RARB: variants seen among roughly 807,000 people sequenced by gnomAD.
RARB encodes retinoic acid receptor beta, also known as HBV-activated protein.
A neutral mutation model predicts 51.9 loss-of-function variants in RARB; 17 were observed. The observed-to-expected ratio is 0.33, with a 90% CI of 0.22 to 0.49. The LOEUF (loss-of-function observed/expected upper bound fraction) is 0.49, where lower values mean the gene tolerates loss of function less well. Ranked by LOEUF, RARB falls within the 20% of genes least tolerant of loss-of-function variation. RARB has a pLI of 0.99. For synonymous variants in RARB, 215 were observed against 195.4 expected, an observed-to-expected ratio of 1.10 and a Z score of -0.84; for missense variants, 369 against 550.8, an observed-to-expected ratio of 0.67 and a Z score of 3.30.
chr3:25,226,156 G>A (rs1302588910), intron 5 of RARB, among the ~76,000 whole-genome samples: 5 of 152,102 alleles, frequency 3.3e-5, no homozygotes, highest in Admixed American at 3.3e-4. Flanking sequence ...TTTTTAAAAT[G>A]TTGCCTTTCC....
intron 3 of RARB, among the ~76,000 whole-genome samples, chr3:25,503,877 C>CCT (rs1393294675): frequency 2.0e-5 from 3 of 152,170 alleles, no homozygotes; most frequent in Admixed American, 6.5e-5. Flanking sequence ...TTTTCACTCA[C>CCT]CTCTCTCATT....
At chr3:24,962,292 G>C (rs1017203065) in intron 2 of RARB, among the ~76,000 whole-genome samples, 1 of 152,058 alleles carries the variant, frequency 6.6e-6, no homozygotes, top group African/African-American at 2.4e-5. Flanking sequence ...TGGCACTGTT[G>C]ACATTTTGAG....
chr3:24,949,562 A>G (rs60632616), intron 2 of RARB, among the ~76,000 whole-genome samples: 1,822 of 152,368 alleles, frequency 0.012, 34 homozygotes, highest in African/African-American at 0.038. Context: ...TTTAAAACAA[A>G]AAGTGACTAT....
chr3:25,013,323 C>T (rs974365339), intron 2 of RARB, among the ~76,000 whole-genome samples: 1 of 152,122 alleles, frequency 6.6e-6, no homozygotes, highest in Admixed American at 6.6e-5. Context: ...AAATGGCCCA[C>T]ATGAAAGATG....
chr3:25,507,178 A>G (rs1323106506), intron 3 of RARB, among the ~76,000 whole-genome samples: 1 of 152,222 alleles, frequency 6.6e-6, no homozygotes, highest in Non-Finnish European at 1.5e-5. Flanking sequence ...ATAAACTCTT[A>G]AAAGGCATGC....
intron 2 of RARB, among the ~76,000 whole-genome samples, chr3:24,906,053 A>G (rs1455167197): frequency 6.6e-6 from 1 of 152,208 alleles, no homozygotes; most frequent in Non-Finnish European, 1.5e-5. Flanking sequence ...AGTTCCTCTC[A>G]GAAAATACAG....
At chr3:24,861,594 TAAAA>T (rs3057186) in intron 2 of RARB, among the ~76,000 whole-genome samples, 6,380 of 137,842 alleles carry the variant, frequency 0.046, 354 homozygotes, top group African/African-American at 0.15. Flanking sequence ...TAACTTGTTA[TAAAA>T]AAAAAAAAAA....
At chr3:25,457,717 T>G (rs1694989419) in intron 1 of RARB, among the ~76,000 whole-genome samples, 1 of 152,236 alleles carries the variant, frequency 6.6e-6, no homozygotes, top group Admixed American at 6.5e-5. Context: ...TCAGTGCATG[T>G]GTTTGAAGTG....
chr3:24,944,011 A>T (rs558999391), intron 2 of RARB, among the ~76,000 whole-genome samples: 4 of 152,340 alleles, frequency 2.6e-5, no homozygotes, highest in African/African-American at 9.6e-5. Flanking sequence ...CTGTCTCTGT[A>T]TATAGTCATT....
rs114227379 is a variant in RARB at position 25,050,690 on chromosome 3, C to T, written c.-379-9435C>T. ...AAAATTCATTTTAGTCATTTCCTGG[C>T]ATCCAATTATAGAAAAAGATTTAAC... On this transcript the variant is annotated intron_variant, in intron 2 of 11. Coordinates refer to the RARB transcript ENST00000383772. 7.9e-3 allele frequency among the ~76,000 whole-genome samples: 1,200 copies of T among 152,218 alleles called. 16 individuals carry two copies. The highest frequency in any genetic ancestry group is 0.028 in the African/African-American group (1,151 of 41,522).
At chr3:24,973,018 TG>T (rs1304434377) in intron 2 of RARB, among the ~76,000 whole-genome samples, 8 of 152,216 alleles carry the variant, frequency 5.3e-5, no homozygotes, top group Middle Eastern at 6.8e-3. Flanking sequence ...TTGTTGCCTG[TG>T]CTTTTAAGGT....
At chr3:25,531,787 A>G (rs900373555) in intron 3 of RARB, among the ~76,000 whole-genome samples, 3 of 151,768 alleles carry the variant, frequency 2.0e-5, no homozygotes, top group Non-Finnish European at 4.4e-5. Context: ...ATTTTGTGTC[A>G]GAATTCTTTT....
At chr3:25,295,481 A>G (rs534780175) in intron 5 of RARB, among the ~76,000 whole-genome samples, 1 of 152,326 alleles carries the variant, frequency 6.6e-6, no homozygotes, top group African/African-American at 2.4e-5. Flanking sequence ...GACTGTGAGC[A>G]ATAATTTTCC....
At chr3:25,206,457 A>G (rs989751369) in intron 5 of RARB, among the ~76,000 whole-genome samples, 10 of 152,226 alleles carry the variant, frequency 6.6e-5, no homozygotes, top group Non-Finnish European at 1.3e-4. Context: ...TCAGGGCAGC[A>G]TAATGAGGTC....
intron 4 of RARB, among the ~76,000 whole-genome samples, chr3:25,146,950 C>T (rs181419031): frequency 1.3e-5 from 2 of 152,236 alleles, no homozygotes; most frequent in African/African-American, 2.4e-5. Flanking sequence ...GCATGGTAGA[C>T]TTGCCAGAAA....
At chr3:25,414,760 G>C (rs147708035) in intron 5 of RARB, among the ~76,000 whole-genome samples, 1 of 152,318 alleles carries the variant, frequency 6.6e-6, no homozygotes, top group Non-Finnish European at 1.5e-5. Flanking sequence ...CCCAATAAGA[G>C]TTGGAAGAAG....
At chr3:25,118,663 C>T (rs1604010) in intron 3 of RARB, among the ~76,000 whole-genome samples, 74,275 of 151,716 alleles carry the variant, frequency 0.49, 18,548 homozygotes, top group East Asian at 0.66. Flanking sequence ...TTCAGCCAAG[C>T]TGAGGGTGAA....
At position 25,274,518 on chromosome 3, in the gene RARB, G is replaced by T. The variant is rs114053306; in HGVS notation, c.178+99943G>T. 4.2e-3 allele frequency among the ~76,000 whole-genome samples: 638 copies of T among 152,292 alleles called. 8 individuals are homozygous for T. Among genetic ancestry groups the T allele is most frequent in the African/African-American group, 0.014 (587 of 41,558 alleles). On this transcript the variant is annotated intron_variant, in intron 5 of 11. Coordinates refer to the RARB transcript ENST00000383772. ...TCGGGACTGCTGAGTAAAAAGATGGGAAAACTAGTACAAATTTCTGGAGCC... is the reference window on the plus strand; with the variant it reads ...TCGGGACTGCTGAGTAAAAAGATGGTAAAACTAGTACAAATTTCTGGAGCC...
chr3:24,829,885 G>A (rs1702257443), intron 1 of RARB, among the ~76,000 whole-genome samples: 1 of 152,226 alleles, frequency 6.6e-6, no homozygotes, highest in Non-Finnish European at 1.5e-5. Context: ...GGCGCCCTTG[G>A]GAGCAGAGGT....
Sources: allele counts gnomAD v4.1 joint callset (sites outside exome capture counted in the v4.1 genomes callset), GRCh38; gene constraint gnomAD v4.1.1; transcripts MANE v1.5; gene names NCBI Gene and HGNC (gene_info 2026-07-23, HGNC 2026-07-21).